PSMB7: variants seen among roughly 807,000 people sequenced by gnomAD.
PSMB7 encodes the protein proteasome subunit beta type-7.
Under a neutral mutation model 28.1 loss-of-function variants are expected in PSMB7, and 5 were observed. The ratio of observed to expected loss-of-function variants is 0.18; its 90% confidence interval spans 0.09 to 0.37. PSMB7 has a LOEUF of 0.37. Ranked by LOEUF, PSMB7 falls within the 10% of genes least tolerant of loss-of-function variation. PSMB7 has a pLI of 1.00. For missense variants in PSMB7, 275 were observed against 346.2 expected (o/e 0.79, Z 1.63); for synonymous variants, 122 against 123.7 (o/e 0.99, Z 0.09).
At chr9:124,374,369 G>C (rs756037384) in intron 6 of PSMB7, among the ~76,000 whole-genome samples, 13 of 152,190 alleles carry the variant, frequency 8.5e-5, no homozygotes, top group African/African-American at 2.9e-4. Context: ...TACACAGTTA[G>C]AACAGGTGAA....
At chr9:124,369,056 A>G (rs1158210069) in intron 6 of PSMB7, among the ~76,000 whole-genome samples, 1 of 152,228 alleles carries the variant, frequency 6.6e-6, no homozygotes, top group Admixed American at 6.5e-5. Flanking sequence ...ATATTCTGTT[A>G]TCACCAAGGT....
rs1831036791 is a variant in PSMB7, at chr9:124,412,385, G to A, written c.362C>T (p.Thr121Ile). 6.2e-7 allele frequency: 1 copy of A among 1,614,150 alleles called. No homozygotes were observed. Among genetic ancestry groups the A allele is most frequent in the Non-Finnish European group, 8.5e-7 (1 of 1,180,002 alleles). ...LSTGRLPRVV[T>I]ANRMLKQMLF... ...CATCTGCTTCAGCATCCGATTGGCT[G>A]TCACAACTCTGGGAAGACGGCCAGT... The change falls in exon 4 of 8, where the codon ACA becomes ATA. Residue 121 changes from threonine to isoleucine, a missense_variant. Thr to Ile is a moderately conservative substitution (Grantham distance 89, BLOSUM62 -1). This residue lies in a region of PSMB7 where 213 missense variants were observed against 302.4 expected (regional missense o/e 0.70). Coordinates refer to ENST00000259457, the MANE Select transcript of PSMB7 (RefSeq NM_002799.4).
intron 5 of PSMB7, among the ~76,000 whole-genome samples, chr9:124,401,118 A>G (rs1447734983): frequency 6.6e-6 from 1 of 152,166 alleles, no homozygotes; most frequent in Non-Finnish European, 1.5e-5. Context: ...CATTTTCTGG[A>G]AAAAAATACA....
At chr9:124,361,870 G>T (rs1479759645) in intron 6 of PSMB7, among the ~76,000 whole-genome samples, 3 of 152,144 alleles carry the variant, frequency 2.0e-5, no homozygotes, top group Non-Finnish European at 4.4e-5. Context: ...AACTTTTTCC[G>T]CATTATTCTT....
At chr9:124,408,276 A>T (rs1417072317) in intron 4 of PSMB7, among the ~76,000 whole-genome samples, 1 of 152,238 alleles carries the variant, frequency 6.6e-6, no homozygotes, top group Non-Finnish European at 1.5e-5. Flanking sequence ...CTTTGACAAC[A>T]TCTTTCAAAA....
intron 5 of PSMB7, among the ~76,000 whole-genome samples, chr9:124,386,870 C>G (rs1275119243): frequency 6.6e-5 from 10 of 151,746 alleles, no homozygotes; most frequent in Non-Finnish European, 1.5e-4. Context: ...TTTTCCTAGG[C>G]ACATATATTT....
chr9:124,394,025 G>C (rs1335305759), intron 5 of PSMB7, among the ~76,000 whole-genome samples: 1 of 152,164 alleles, frequency 6.6e-6, no homozygotes, highest in Non-Finnish European at 1.5e-5. Flanking sequence ...AGTGGGAGCT[G>C]GCAAGTCTCT....
In PSMB7 at chr9:124,399,998, G is replaced by A. The variant is rs373711801; in HGVS notation, c.511+5319C>T. The stretch of plus-strand genomic sequence containing the variant: ...CTCTGCCTGCAGCGTCTGGACCCCC[G>A]AGGCCTGCTTTCCAGCCTTGCCTCT... On this transcript the variant is annotated intron_variant, in intron 5 of 7. Transcript: ENST00000259457. 4.3e-4 allele frequency among the ~76,000 whole-genome samples: 66 copies of A among 152,210 alleles called. 1 individual carries two copies. In the East Asian group the frequency reaches 7.5e-3, roughly 17 times the overall value.
chr9:124,374,452 C>G (rs1830589905), intron 6 of PSMB7, among the ~76,000 whole-genome samples: 1 of 152,184 alleles, frequency 6.6e-6, no homozygotes, highest in Non-Finnish European at 1.5e-5. Context: ...ACTTTTAGAA[C>G]AGTAGACCTA....
chr9:124,399,185 C>T (rs893427747), intron 5 of PSMB7, among the ~76,000 whole-genome samples: 8 of 152,196 alleles, frequency 5.3e-5, no homozygotes, highest in Non-Finnish European at 1.0e-4. Flanking sequence ...TTCAGACATT[C>T]TTTAGCACAA....
rs756422755 is a variant in PSMB7 at position 124,353,721 on chromosome 9, AAAAC to A, written c.723-16_723-13del. On this transcript the variant is annotated splice_polypyrimidine_tract_variant and intron_variant, in intron 7 of 7. Coordinates refer to ENST00000259457, the MANE Select transcript of PSMB7 (RefSeq NM_002799.4). ...TGTACCGGCCAAGCCTAGTAAGAGAAAAACAAAAGCACAGAGTTAGGATTCTCCT... is the reference window on the plus strand; with the variant it reads ...TGTACCGGCCAAGCCTAGTAAGAGAAAAAAGCACAGAGTTAGGATTCTCCT... 85 of 1,580,862 alleles carry A rather than the reference AAAAC, an allele frequency of 5.4e-5. No homozygotes were observed. The highest frequency in any genetic ancestry group is 1.5e-4 in the Admixed American group (9 of 59,942).
intron 5 of PSMB7, among the ~76,000 whole-genome samples, chr9:124,396,202 T>C (rs1830839806): frequency 6.6e-6 from 1 of 152,234 alleles, no homozygotes; most frequent in Non-Finnish European, 1.5e-5. Flanking sequence ...TTTGATCCTG[T>C]GCAGGACAAC....
intron 6 of PSMB7, among the ~76,000 whole-genome samples, chr9:124,366,832 G>A (rs1269392963): frequency 1.3e-5 from 2 of 152,222 alleles, no homozygotes; most frequent in South Asian, 2.1e-4. Context: ...AGTATTCAGC[G>A]CAGTTAACAT....
In PSMB7 at chr9:124,404,556, G is replaced by T. The variant is rs1472911342; in HGVS notation, c.511+761C>A. Among the ~76,000 whole-genome samples, 4 of 152,104 alleles carry T rather than the reference G, an allele frequency of 2.6e-5. No homozygotes were observed. In the East Asian group the frequency reaches 7.7e-4, roughly 29 times the overall value. ...AATCCAAAAATCCAGAATCAAAAATGCTCCAATGAGGCTGGGCAGAGTGGC... is the reference window on the plus strand; with the variant it reads ...AATCCAAAAATCCAGAATCAAAAATTCTCCAATGAGGCTGGGCAGAGTGGC... On this transcript the variant is annotated intron_variant, in intron 5 of 7. Coordinates refer to ENST00000259457, the MANE Select transcript of PSMB7 (RefSeq NM_002799.4).
intron 4 of PSMB7, among the ~76,000 whole-genome samples, chr9:124,406,326 G>A (rs1830962692): frequency 6.6e-6 from 1 of 151,558 alleles, no homozygotes; most frequent in African/African-American, 2.4e-5. Flanking sequence ...AATATGGCGA[G>A]ACCCTGTCTA....
intron 6 of PSMB7, among the ~76,000 whole-genome samples, chr9:124,375,814 C>A (rs1014680918): frequency 6.6e-6 from 1 of 152,194 alleles, no homozygotes; most frequent in African/African-American, 2.4e-5. Context: ...CACGGATAGT[C>A]TTCCTTGATC....
chr9:124,405,232 T>G, intron 5 of PSMB7, 85 bp downstream of exon 5: 1 of 914,258 alleles, frequency 1.1e-6, no homozygotes, highest in Non-Finnish European at 1.7e-6. Context: ...GCACCTCCTC[T>G]TCTAAGAGAA....
At chr9:124,369,616 A>G (rs1397232605) in intron 6 of PSMB7, among the ~76,000 whole-genome samples, 1 of 152,116 alleles carries the variant, frequency 6.6e-6, no homozygotes, top group East Asian at 1.9e-4. Context: ...TCGGGAAATG[A>G]CCGCCCAGAC....
At chr9:124,413,087 G>C (rs532544874) in intron 3 of PSMB7, among the ~76,000 whole-genome samples, 1 of 148,258 alleles carries the variant, frequency 6.7e-6, no homozygotes, top group Non-Finnish European at 1.5e-5. Context: ...AGACCCAGGC[G>C]GGAGGATCAC....
Sources: gnomAD v4.1 joint callset for allele counts (sites outside exome capture counted in the v4.1 genomes callset) on GRCh38, gnomAD v4.1.1 for gene constraint, gnomAD v4.1.1 regional missense constraint, MANE v1.5 for transcripts, NCBI Gene and HGNC (gene_info 2026-07-23, HGNC 2026-07-21) for gene names.